Variants in UBXN2B observed in about 807,000 individuals in gnomAD.
The protein encoded by UBXN2B is UBX domain-containing protein 2B.
In UBXN2B, 19 loss-of-function variants were observed where a neutral mutation model predicts 37.5. That is an observed-to-expected ratio of 0.51 (90% CI 0.35 to 0.74). The LOEUF is 0.74. Ranked by LOEUF, UBXN2B falls within the 30% of genes least tolerant of loss-of-function variation. UBXN2B has a pLI of 0.01. For missense variants in UBXN2B, 370 were observed against 393.2 expected, an observed-to-expected ratio of 0.94 and a Z score of 0.50; for synonymous variants, 145 against 143.8, an observed-to-expected ratio of 1.01 and a Z score of -0.06.
intron 2 of UBXN2B, among the ~76,000 whole-genome samples, chr8:58,419,099 T>A (rs1807857971): frequency 1.3e-5 from 2 of 152,218 alleles, no homozygotes; most frequent in African/African-American, 4.8e-5. Flanking sequence ...CACATTTGAT[T>A]TCTAGAATAA....
chr8:58,430,786 T>C, intron 3 of UBXN2B, 117 bp downstream of exon 3: 1 of 829,978 alleles, frequency 1.2e-6, no homozygotes, highest in Non-Finnish European at 1.6e-6. Flanking sequence ...AAATATTTGT[T>C]TCATTTTTAT....
intron 2 of UBXN2B, among the ~76,000 whole-genome samples, chr8:58,422,234 A>T (rs116070177): frequency 6.6e-6 from 1 of 152,102 alleles, no homozygotes; most frequent in Non-Finnish European, 1.5e-5. Context: ...TCAAAGTTCA[A>T]TGAATATTGG....
At chr8:58,426,853 G>A (rs1412292713) in intron 2 of UBXN2B, among the ~76,000 whole-genome samples, 1 of 152,228 alleles carries the variant, frequency 6.6e-6, no homozygotes, top group African/African-American at 2.4e-5. Context: ...TGGAGACTGT[G>A]CAGCCGCCCC....
At chr8:58,423,079 A>AATCATCATCATC (rs35213875) in intron 2 of UBXN2B, among the ~76,000 whole-genome samples, 8 of 148,938 alleles carry the variant, frequency 5.4e-5, no homozygotes, top group East Asian at 4.0e-4. Context: ...GGTGAGACGA[A>AATCATCATCATC]ATCATCATCA....
At chr8:58,431,252 A>G (rs1478701404) in intron 3 of UBXN2B, among the ~76,000 whole-genome samples, 1 of 152,208 alleles carries the variant, frequency 6.6e-6, no homozygotes, top group East Asian at 1.9e-4. Flanking sequence ...GGGAGGCCGA[A>G]GCAGGCAGAT....
chr8:58,426,113 T>C (rs1808077318), intron 2 of UBXN2B: 1 of 1,332,506 alleles, frequency 7.5e-7, no homozygotes, highest in African/African-American at 1.5e-5. Flanking sequence ...TAATTGCCCG[T>C]GATGTTCTGT....
At chr8:58,428,932 C>G (rs964944843) in intron 2 of UBXN2B, among the ~76,000 whole-genome samples, 47 of 152,280 alleles carry the variant, frequency 3.1e-4, no homozygotes, top group African/African-American at 1.1e-3. Flanking sequence ...AGTTCTTGTC[C>G]TCTACCTTAT....
intron 6 of UBXN2B, among the ~76,000 whole-genome samples, chr8:58,444,068 C>T (rs1808615402): frequency 6.6e-6 from 1 of 152,160 alleles, no homozygotes; most frequent in Non-Finnish European, 1.5e-5. Context: ...TACCTAGCTT[C>T]CCCATCCTCC....
At chr8:58,418,111 C>T (rs572115090) in intron 2 of UBXN2B, among the ~76,000 whole-genome samples, 10 of 151,840 alleles carry the variant, frequency 6.6e-5, no homozygotes, top group South Asian at 2.1e-4. Flanking sequence ...CATGGTGGCA[C>T]GAGCCTATAA....
chr8:58,430,572 C>A lies in UBXN2B; in HGVS notation c.242C>A (p.Thr81Asn), dbSNP rs868008891. Residue 81 changes from threonine (T) to asparagine (N), a missense_variant, in exon 3 of 8, where the codon ACT becomes AAT. Thr to Asn is a moderately conservative substitution (Grantham distance 65). Around this residue, in one of 3 missense-constraint regions of UBXN2B, gnomAD observed 197 missense variants for 170.2 expected, o/e 1.16. Coordinates refer to ENST00000399598, the MANE Select transcript of UBXN2B (RefSeq NM_001077619.2). ...YSGLNIVRPS[T>N]GKIVNELFKE... ...GGATTAAATATAGTTCGACCTTCAA[C>A]TGGGAAAATTGTGAATGAACTTTTC... 1 of 1,606,228 alleles carries A rather than the reference C, an allele frequency of 6.2e-7. No individual in the cohort carries two copies. The highest frequency in any genetic ancestry group is 1.3e-5 in the African/African-American group (1 of 74,770).
At chr8:58,424,472 C>G in intron 2 of UBXN2B, 1 of 588,160 alleles carries the variant, frequency 1.7e-6, no homozygotes, top group Non-Finnish European at 3.1e-6. Flanking sequence ...AACCACAATG[C>G]AAGCCTTCCA....
chr8:58,445,779 A>T, intron 6 of UBXN2B, 128 bp from the exon 7 acceptor site: 1 of 753,230 alleles, frequency 1.3e-6, no homozygotes, highest in Non-Finnish European at 1.9e-6. Context: ...AAATAACTTT[A>T]ATATAATGAA....
rs1807631416 is a variant in UBXN2B, at chr8:58,411,410, C to A, written c.25C>A (p.Pro9Thr). The change falls in exon 1 of 8, where the codon CCC becomes ACC. Residue 9 changes from proline (P) to threonine (T), a missense_variant. Physicochemically the swap from Pro to Thr is conservative, Grantham distance 38. This residue lies in a region of UBXN2B where 197 missense variants were observed against 170.2 expected (regional missense o/e 1.16). Coordinates refer to ENST00000399598, the MANE Select transcript of UBXN2B (RefSeq NM_001077619.2). The part of the protein sequence containing the change: MAEGGGPE[P>T]GEQERRSSGP... ...GATGGCGGAGGGCGGAGGCCCTGAGCCCGGCGAGCAGGAGAGGAGGTCTTC... is the reference window on the plus strand; with the variant it reads ...GATGGCGGAGGGCGGAGGCCCTGAGACCGGCGAGCAGGAGAGGAGGTCTTC... 2.4e-6 allele frequency: 3 copies of A among 1,270,022 alleles called. No homozygotes were observed. The highest frequency in any genetic ancestry group is 3.0e-6 in the Non-Finnish European group (3 of 1,002,668). 78.7% of individuals were successfully genotyped at this position (1,270,022 alleles called of 1,614,324 possible). A position where few individuals can be genotyped will look rare whatever the true frequency, so the allele number is the denominator to read the frequency against.
chr8:58,441,943 T>C (rs1440095707), intron 6 of UBXN2B, among the ~76,000 whole-genome samples: 1 of 152,190 alleles, frequency 6.6e-6, no homozygotes, highest in Non-Finnish European at 1.5e-5. Flanking sequence ...AAGCTTTCCT[T>C]AGCCAGGAGA....
chr8:58,442,649 T>C (rs1808577928), intron 6 of UBXN2B, among the ~76,000 whole-genome samples: 1 of 152,166 alleles, frequency 6.6e-6, no homozygotes, highest in Non-Finnish European at 1.5e-5. Context: ...ACCATAGATA[T>C]AAAACTGCAA....
chr8:58,424,972 C>G (rs1207492670), intron 2 of UBXN2B: 4 of 796,182 alleles, frequency 5.0e-6, no homozygotes. Flanking sequence ...AACGTATGTC[C>G]CTGTCCGGCC....
chr8:58,426,490 G>T, intron 2 of UBXN2B: 1 of 709,058 alleles, frequency 1.4e-6, no homozygotes, highest in South Asian at 1.4e-5. Context: ...TTACAGGTGT[G>T]AACCACCGTG....
chr8:58,432,618 G>T (rs183982657), intron 3 of UBXN2B, among the ~76,000 whole-genome samples: 1 of 151,884 alleles, frequency 6.6e-6, no homozygotes, highest in Admixed American at 6.6e-5. Context: ...TCCTGACCTC[G>T]TGATCCGCCT....
At chr8:58,426,553 C>A (rs368304235) in intron 2 of UBXN2B, 3 of 750,612 alleles carry the variant, frequency 4.0e-6, no homozygotes, top group Non-Finnish European at 7.5e-6. Context: ...TTTCTTCTAA[C>A]AAAAAGTGTG....
Sources: gnomAD v4.1 joint callset for allele counts (sites outside exome capture counted in the v4.1 genomes callset) on GRCh38, gnomAD v4.1.1 for gene constraint, gnomAD v4.1.1 regional missense constraint, MANE v1.5 for transcripts, NCBI Gene and HGNC (gene_info 2026-07-23, HGNC 2026-07-21) for gene names.